Variants in KIAA1755 observed in about 807,000 individuals in gnomAD.
KIAA1755 encodes KIAA1755, also known as uncharacterized protein KIAA1755.
A neutral mutation model predicts 91.7 loss-of-function variants in KIAA1755; 68 were observed. The ratio of observed to expected loss-of-function variants is 0.74; its 90% CI spans 0.61 to 0.91. KIAA1755 has a LOEUF of 0.91. Ranked by LOEUF, KIAA1755 falls within the 40% of genes least tolerant of loss-of-function variation. The probability of loss-of-function intolerance (pLI) is 0.00; values close to 1 mark genes in which losing one functional copy is unlikely to be tolerated. For missense variants in KIAA1755, 1,535 were observed against 1,494.4 expected, an observed-to-expected ratio of 1.03 and a Z score of -0.45; for synonymous variants, 610 against 604.6, an observed-to-expected ratio of 1.01 and a Z score of -0.13.
In KIAA1755 at chr20:38,231,264, C is replaced by T. The variant is rs372090464; in HGVS notation, c.1809G>A (p.Glu603=). The T allele has an allele frequency of 1.5e-5, 24 of 1,612,868 alleles. No homozygotes were observed. The South Asian group carries it at 1.7e-4, about 11-fold the overall frequency. The part of the protein sequence containing the change: ...LLVSTTEGAW[E]APWCTVSEVT... ...CCTCTGAAACTGTGCACCATGGTGC[C>T]TCCCAGGCCCCCTCTGTAGTTGACA... The change falls in exon 5 of 14, where the codon GAG becomes GAA. Residue 603 remains glutamate (E), a synonymous_variant. Coordinates refer to ENST00000279024, the MANE Select transcript of KIAA1755 (RefSeq NM_001029864.2).
chr20:38,240,438 C>T, intron 3 of KIAA1755, 144 bp downstream of exon 3: 1 of 738,514 alleles, frequency 1.4e-6, no homozygotes, highest in Non-Finnish European at 2.0e-6. Context: ...AGACTTCAAG[C>T]CCCTTAACAT....
At position 38,240,951 on chromosome 20, in the gene KIAA1755, CT is replaced by C; in HGVS notation, c.1179del (p.Glu394SerfsTer11). On this transcript the variant is annotated frameshift_variant, in exon 3 of 14. Transcript: ENST00000279024. LOFTEE classifies it high-confidence loss of function. ...CASGLRAGVS[Q>X]EPAASKMQGP... is the part of the protein sequence containing the mutation. ...CCCTGCATCTTGGAGGCAGCTGGCT[CT>C]TGTGAGACACCTGCCCTGAGACCAG... 1 of 1,614,096 alleles carries C rather than the reference CT, an allele frequency of 6.2e-7. No homozygotes were observed. The highest frequency in any genetic ancestry group is 8.5e-7 in the Non-Finnish European group (1 of 1,179,988).
rs759784373 is a variant in KIAA1755 at position 38,240,926 on chromosome 20, C to T, written c.1205G>A (p.Gly402Glu). The T allele has an allele frequency of 1.9e-6, 3 of 1,614,048 alleles. No individual in the cohort carries two copies. Among genetic ancestry groups the T allele is most frequent in the Admixed American group, 1.7e-5 (1 of 59,998 alleles). Reference protein sequence around the residue: ...SQEPAASKMQGPLGNPENMVQ... With the variant: ...SQEPAASKMQEPLGNPENMVQ... ...CATATTCTCTGGGTTTCCTAGAGGT[C>T]CCTGCATCTTGGAGGCAGCTGGCTC... Residue 402 changes from glycine to glutamate, a missense_variant, in exon 3 of 14, where the codon GGA becomes GAA. Gly to Glu is a moderately conservative substitution (Grantham distance 98). Transcript: ENST00000279024.
At chr20:38,252,980 C>A (rs1239319852) in intron 1 of KIAA1755, among the ~76,000 whole-genome samples, 2 of 152,184 alleles carry the variant, frequency 1.3e-5, no homozygotes, top group African/African-American at 4.8e-5. Context: ...CCACAGGAAC[C>A]CAAACACCAG....
At position 38,240,876 on chromosome 20, in the gene KIAA1755, G is replaced by T. The variant is rs1168271164; in HGVS notation, c.1255C>A (p.Gln419Lys). Residue 419 changes from glutamine (Q) to lysine (K), a missense_variant, in exon 3 of 14, where the codon CAA becomes AAA. By Grantham distance (53) the Gln-to-Lys change is moderately conservative (BLOSUM62 1). Transcript: ENST00000279024. ...NMVQLRPGPR[Q>K]ASSPRLSPAS... Reference sequence around the variant, plus strand: ...GGGGACAGGCGGGGAGAGGAGGCTTGTCTTGGTCCAGGCCTGAGCTGCACC... The same window carrying T: ...GGGGACAGGCGGGGAGAGGAGGCTTTTCTTGGTCCAGGCCTGAGCTGCACC... 2 of 1,613,958 alleles carry T rather than the reference G, an allele frequency of 1.2e-6. No individual in the cohort carries two copies. The highest frequency in any genetic ancestry group is 2.7e-5 in the African/African-American group (2 of 74,936).
At chr20:38,215,572 C>T (rs776551146) in intron 13 of KIAA1755, among the ~76,000 whole-genome samples, 1 of 152,166 alleles carries the variant, frequency 6.6e-6, no homozygotes, top group Non-Finnish European at 1.5e-5. Context: ...AGTGGGCAGT[C>T]AGAAAGGGTG....
chr20:38,258,181 G>A (rs370217319), intron 1 of KIAA1755, among the ~76,000 whole-genome samples: 10 of 152,226 alleles, frequency 6.6e-5, no homozygotes, highest in South Asian at 6.2e-4. Context: ...GATTACAGGC[G>A]TGAGCCACTG....
At chr20:38,246,517 T>C (rs80188849) in intron 1 of KIAA1755, among the ~76,000 whole-genome samples, 4,637 of 152,248 alleles carry the variant, frequency 0.03, 110 homozygotes, top group Middle Eastern at 0.13. Context: ...TGCCCCAGTC[T>C]GACCGCCTGG....
intron 8 of KIAA1755, among the ~76,000 whole-genome samples, chr20:38,225,098 A>G (rs142732069): frequency 0.054 from 8,231 of 152,124 alleles, 360 homozygotes; most frequent in African/African-American, 0.12. Flanking sequence ...GGTTCAAGCA[A>G]TTCTCATGCC....
At position 38,211,203 on chromosome 20, in the gene KIAA1755, AG is replaced by A. The variant is rs2075447562; in HGVS notation, c.*1838del. On this transcript the variant is annotated 3_prime_UTR_variant, in exon 14 of 14. Transcript: ENST00000279024. Reference sequence around the variant, plus strand: ...CTTGGAAGATTCCTGAAGCCATTTTAGGTATCAAGTGTGTGACTCTTGGCTG... The same window carrying A: ...CTTGGAAGATTCCTGAAGCCATTTTAGTATCAAGTGTGTGACTCTTGGCTG... The A allele has an allele frequency of 1.3e-5, 2 of 152,340 alleles. No homozygotes were observed. The highest frequency in any genetic ancestry group is 4.8e-5 in the African/African-American group (2 of 41,564). 9.4% of individuals were successfully genotyped at this position (152,340 alleles called of 1,614,324 possible). A position where few individuals can be genotyped will look rare whatever the true frequency, so the allele number is the denominator to read the frequency against.
At chr20:38,227,640 T>G (rs1003073999) in intron 6 of KIAA1755, among the ~76,000 whole-genome samples, 4 of 152,326 alleles carry the variant, frequency 2.6e-5, no homozygotes, top group Middle Eastern at 3.4e-3. Flanking sequence ...AGCCAATCAG[T>G]GTGTTGCATT....
intron 2 of KIAA1755, among the ~76,000 whole-genome samples, chr20:38,242,136 C>G (rs2076081114): frequency 6.6e-6 from 1 of 152,206 alleles, no homozygotes; most frequent in African/African-American, 2.4e-5. Context: ...AAATCCTAGC[C>G]TACTGACCCA....
chr20:38,210,820 G>A lies in KIAA1755; in HGVS notation c.*2222C>T, dbSNP rs2075443341. The A allele has an allele frequency of 6.6e-6, 1 of 152,232 alleles. No individual in the cohort carries two copies. The highest frequency in any genetic ancestry group is 2.4e-5 in the African/African-American group (1 of 41,462). The allele number at this position is 152,232 out of a possible 1,614,324, so 9.4% of individuals were successfully genotyped here. ...GCTGGATGCTGTTGCTATGGCAACA[G>A]CATTTTAAAAGCCGTCGGCCCTCTC... On this transcript the variant is annotated 3_prime_UTR_variant, in exon 14 of 14. Transcript: ENST00000279024.
intron 4 of KIAA1755, 74 bp downstream of exon 4, chr20:38,239,454 A>T: frequency 7.3e-7 from 1 of 1,371,934 alleles, no homozygotes; most frequent in Non-Finnish European, 1.0e-6. Flanking sequence ...CCTCCCCTCC[A>T]CCCAACAGCA....
chr20:38,259,820 C>CCACACACACACACACACA (rs57325877), intron 1 of KIAA1755, among the ~76,000 whole-genome samples: 84 of 138,796 alleles, frequency 6.1e-4, no homozygotes, highest in African/African-American at 1.7e-3. Context: ...ACCACCACCA[C>CCACACACACACACACACA]CACACACACA....
rs950598759 is a variant in KIAA1755 at position 38,260,230 on chromosome 20, G to A, written c.3+268C>T. 6 of 1,518,206 alleles carry A rather than the reference G, an allele frequency of 4.0e-6. No individual in the cohort carries two copies. The African/African-American group carries it at 8.3e-5, about 21-fold the overall frequency. The allele number at this position is 1,518,206 out of a possible 1,614,324, so 94.0% of individuals were successfully genotyped here. On this transcript the variant is annotated intron_variant, in intron 1 of 13. Coordinates refer to ENST00000279024, the MANE Select transcript of KIAA1755 (RefSeq NM_001029864.2). ...GGGCTGAGATTCAGGCTCAGGTCTA[G>A]GGGTTGGGGAATATTAAAGTTTACA...
In KIAA1755 at chr20:38,250,825, G is replaced by A. The variant is rs115702666; in HGVS notation, c.4-4699C>T. On this transcript the variant is annotated intron_variant, in intron 1 of 13. Transcript: ENST00000279024. ...GGGCGCCATGATGTTCTACACAGGTGGGGATATGTGGGGGCGGCCATGTTA... is the reference window on the plus strand; with the variant it reads ...GGGCGCCATGATGTTCTACACAGGTAGGGATATGTGGGGGCGGCCATGTTA... 3.8e-3 allele frequency among the ~76,000 whole-genome samples: 574 copies of A among 152,062 alleles called. 8 individuals are homozygous for A. Among genetic ancestry groups the A allele is most frequent in the African/African-American group, 0.013 (551 of 41,496 alleles).
intron 1 of KIAA1755, among the ~76,000 whole-genome samples, chr20:38,259,510 CGTGTGT>C (rs74179896): frequency 6.6e-5 from 9 of 137,364 alleles, no homozygotes; most frequent in Admixed American, 1.6e-4. Flanking sequence ...TGAGTGCCTG[CGTGTGT>C]GTGTGTGTGT....
intron 3 of KIAA1755, among the ~76,000 whole-genome samples, chr20:38,240,100 T>C (rs2076028610): frequency 6.6e-6 from 1 of 152,132 alleles, no homozygotes; most frequent in African/African-American, 2.4e-5. Flanking sequence ...CCTTCCTTCC[T>C]TCCTTCCGTC....
Sources: allele counts gnomAD v4.1 joint callset (sites outside exome capture counted in the v4.1 genomes callset), GRCh38; gene constraint gnomAD v4.1.1; transcripts MANE v1.5; gene names NCBI Gene and HGNC (gene_info 2026-07-23, HGNC 2026-07-21).